Variants in STK32B observed in about 807,000 individuals in gnomAD.
The protein encoded by STK32B is serine/threonine kinase 32B.
STK32B carries 43 observed loss-of-function variants against 52.6 expected under a neutral mutation model. The observed-to-expected ratio is 0.82, with a 90% CI of 0.64 to 1.05. STK32B has a LOEUF of 1.05. Among genes scored for constraint, STK32B ranks in the 50% least tolerant of loss-of-function variants. STK32B has a pLI of 0.00. For missense variants in STK32B, 621 were observed against 534.6 expected (o/e 1.16, Z -1.59); for synonymous variants, 238 against 204.3 (o/e 1.17, Z -1.41).
intron 3 of STK32B, among the ~76,000 whole-genome samples, chr4:5,293,262 G>T (rs1292869748): frequency 6.6e-6 from 1 of 152,016 alleles, no homozygotes; most frequent in African/African-American, 2.4e-5. Flanking sequence ...GTGTGCATGT[G>T]TCTTTATAGT....
chr4:5,132,176 G>T (rs1407616090), intron 1 of STK32B, among the ~76,000 whole-genome samples: 1 of 152,144 alleles, frequency 6.6e-6, no homozygotes. Context: ...GTCTATTGTT[G>T]ATAGACATTT....
chr4:5,316,111 A>AT (rs1161702435), intron 3 of STK32B, among the ~76,000 whole-genome samples: 1 of 122,682 alleles, frequency 8.2e-6, no homozygotes, highest in Non-Finnish European at 1.6e-5. Context: ...TTTCTGTATA[A>AT]ATATATATAT....
intron 2 of STK32B, among the ~76,000 whole-genome samples, chr4:5,161,039 A>G (rs1310952564): frequency 6.6e-6 from 1 of 152,182 alleles, no homozygotes; most frequent in East Asian, 1.9e-4. Flanking sequence ...CTGGGGATCC[A>G]CAGTGAAGGA....
chr4:5,393,037 T>C (rs1480174849), intron 4 of STK32B, among the ~76,000 whole-genome samples: 1 of 152,176 alleles, frequency 6.6e-6, no homozygotes, highest in East Asian at 1.9e-4. Flanking sequence ...AGGAGAATGA[T>C]CCATGCCAAT....
intron 3 of STK32B, among the ~76,000 whole-genome samples, chr4:5,299,290 T>C (rs1729404834): frequency 6.6e-6 from 1 of 152,054 alleles, no homozygotes; most frequent in African/African-American, 2.4e-5. Flanking sequence ...AATCCTCTTT[T>C]AACAGTGAAA....
chr4:5,226,824 G>T (rs1723907788), intron 3 of STK32B, among the ~76,000 whole-genome samples: 1 of 152,174 alleles, frequency 6.6e-6, no homozygotes, highest in South Asian at 2.1e-4. Context: ...GTTATATAGG[G>T]TTTGGTAATA....
At chr4:5,241,708 T>C (rs994645065) in intron 3 of STK32B, among the ~76,000 whole-genome samples, 4 of 152,150 alleles carry the variant, frequency 2.6e-5, no homozygotes, top group African/African-American at 9.7e-5. Flanking sequence ...GTATATCTCC[T>C]AATGCTATCC....
intron 3 of STK32B, among the ~76,000 whole-genome samples, chr4:5,278,994 A>G (rs1238868383): frequency 6.6e-6 from 1 of 152,146 alleles, no homozygotes. Context: ...AACACTGACA[A>G]TTACAATTTG....
At chr4:5,167,758 A>T (rs1474557316) in intron 2 of STK32B, among the ~76,000 whole-genome samples, 1 of 152,200 alleles carries the variant, frequency 6.6e-6, no homozygotes, top group Non-Finnish European at 1.5e-5. Flanking sequence ...CTCTGAGGAC[A>T]TTAATTCCCT....
chr4:5,165,266 A>C (rs141386234), intron 2 of STK32B, among the ~76,000 whole-genome samples: 21 of 152,328 alleles, frequency 1.4e-4, no homozygotes, highest in Non-Finnish European at 2.2e-4. Flanking sequence ...TGCATCCAAT[A>C]TCCTGTATCA....
chr4:5,416,997 T>A, intron 6 of STK32B, 63 bp downstream of exon 6: 1 of 1,464,178 alleles, frequency 6.8e-7, no homozygotes, highest in Non-Finnish European at 9.3e-7. Flanking sequence ...TCAGCATCCT[T>A]CTCTTGTTTC....
chr4:5,157,914 G>A (rs1014631688), intron 2 of STK32B, among the ~76,000 whole-genome samples: 2 of 152,158 alleles, frequency 1.3e-5, no homozygotes, highest in Non-Finnish European at 2.9e-5. Context: ...TTTACTAGAA[G>A]CCTTCATTGT....
At chr4:5,338,065 C>T (rs1732823401) in intron 4 of STK32B, among the ~76,000 whole-genome samples, 1 of 152,104 alleles carries the variant, frequency 6.6e-6, no homozygotes, top group Non-Finnish European at 1.5e-5. Flanking sequence ...TAACCTGGAA[C>T]AGATGAGTGG....
At chr4:5,052,843 CT>C (rs1178409204) in intron 1 of STK32B, among the ~76,000 whole-genome samples, 46 of 152,160 alleles carry the variant, frequency 3.0e-4, no homozygotes, top group African/African-American at 1.1e-3. Flanking sequence ...CAGGTAAGAG[CT>C]GAGACATACT....
chr4:5,265,263 G>A (rs745653914), intron 3 of STK32B, among the ~76,000 whole-genome samples: 2 of 152,168 alleles, frequency 1.3e-5, no homozygotes, highest in East Asian at 1.9e-4. Context: ...AGGTGAGAAC[G>A]CGTGGGTGTT....
In STK32B at chr4:5,392,662, C is replaced by G. The variant is rs183143117; in HGVS notation, c.435-5545C>G. Reference sequence around the variant, plus strand: ...TCACAAGGAGGAACCAGACATACCACTGACCCTCTGTAAATAGTTCTCTCT... The same window carrying G: ...TCACAAGGAGGAACCAGACATACCAGTGACCCTCTGTAAATAGTTCTCTCT... On this transcript the variant is annotated intron_variant, in intron 4 of 11. Coordinates refer to ENST00000282908, the MANE Select transcript of STK32B (RefSeq NM_018401.3). 5.3e-5 allele frequency among the ~76,000 whole-genome samples: 8 copies of G among 152,240 alleles called. No individual in the cohort carries two copies. In the East Asian group the frequency reaches 1.5e-3, roughly 29 times the overall value.
At chr4:5,346,258 G>C (rs1394294037) in intron 4 of STK32B, among the ~76,000 whole-genome samples, 2 of 152,170 alleles carry the variant, frequency 1.3e-5, no homozygotes, top group Non-Finnish European at 2.9e-5. Context: ...GTGTGATCAG[G>C]CTTCTGGTCC....
intron 2 of STK32B, among the ~76,000 whole-genome samples, chr4:5,161,197 G>C (rs1365719883): frequency 6.6e-6 from 1 of 152,162 alleles, no homozygotes; most frequent in East Asian, 1.9e-4. Flanking sequence ...ATCCAAGTAA[G>C]TATTTTTCTT....
intron 3 of STK32B, among the ~76,000 whole-genome samples, chr4:5,220,054 T>C (rs1723426808): frequency 6.6e-6 from 1 of 152,200 alleles, no homozygotes; most frequent in South Asian, 2.1e-4. Context: ...ACACTAAAGC[T>C]TTTAATTTTG....
Sources: allele counts gnomAD v4.1 joint callset (sites outside exome capture counted in the v4.1 genomes callset), GRCh38; gene constraint gnomAD v4.1.1; transcripts MANE v1.5; gene names NCBI Gene and HGNC (gene_info 2026-07-23, HGNC 2026-07-21).